Variants in NCKAP5 observed in about 807,000 individuals in gnomAD.
NCKAP5 encodes nck-associated protein 5.
Under a neutral mutation model 167.0 loss-of-function variants are expected in NCKAP5, and 92 were observed. The observed-to-expected ratio is 0.55, with a 90% CI of 0.47 to 0.66. The LOEUF (loss-of-function observed/expected upper bound fraction) is 0.66, where lower values mean the gene tolerates loss of function less well. Ranked by LOEUF, NCKAP5 falls within the 30% of genes least tolerant of loss-of-function variation. The pLI, the probability that NCKAP5 is intolerant of heterozygous loss-of-function variation, is 0.00. For missense variants in NCKAP5, 2,378 were observed against 2,315.0 expected (o/e 1.03, Z -0.56); for synonymous variants, 891 against 877.4 (o/e 1.02, Z -0.27).
At chr2:132,710,868 A>C (rs956125854) in intron 19 of NCKAP5, among the ~76,000 whole-genome samples, 11 of 151,902 alleles carry the variant, frequency 7.2e-5, no homozygotes, top group Admixed American at 7.2e-4. Flanking sequence ...TATGGCACTG[A>C]AGTGACAATT....
chr2:133,015,774 G>A (rs756574273), intron 6 of NCKAP5, among the ~76,000 whole-genome samples: 14 of 152,112 alleles, frequency 9.2e-5, no homozygotes, highest in African/African-American at 1.9e-4. Flanking sequence ...CAAGTGTGTC[G>A]ACACAATAGC....
rs755080819 is a variant in NCKAP5 at position 132,784,280 on chromosome 2, A to C, written c.2531T>G (p.Leu844Arg). 2.4e-5 allele frequency: 38 copies of C among 1,612,708 alleles called. No homozygotes were observed. The highest frequency in any genetic ancestry group is 5.0e-5 in the Admixed American group (3 of 59,652). Reference protein sequence around the residue: ...EKSPALAPGKLSRFMKTESSG... With the variant: ...EKSPALAPGKRSRFMKTESSG... ...GCTCTCAGTCTTCATGAATCGTGAG[A>C]GTTTCCCAGGAGCTAAGGCTGGTGA... Residue 844 changes from leucine (L) to arginine (R), a missense_variant, in exon 14 of 20, where the codon CTC becomes CGC. Leu to Arg is a moderately radical substitution (Grantham distance 102, BLOSUM62 -2). Around this residue, in one of 3 missense-constraint regions of NCKAP5, gnomAD observed 1,049 missense variants for 1,023.4 expected, o/e 1.02. Transcript: ENST00000409261.
At chr2:133,192,349 C>T (rs1024280510) in intron 5 of NCKAP5, among the ~76,000 whole-genome samples, 13 of 152,010 alleles carry the variant, frequency 8.6e-5, no homozygotes, top group East Asian at 1.9e-4. Flanking sequence ...ACTAAACCTA[C>T]GCAAATAGTT....
At chr2:133,085,032 A>G (rs1437906) in intron 6 of NCKAP5, among the ~76,000 whole-genome samples, 9,225 of 152,252 alleles carry the variant, frequency 0.061, 616 homozygotes, top group East Asian at 0.35. Flanking sequence ...TATAACAATT[A>G]TTTAAAAATA....
chr2:132,812,155 C>T lies in NCKAP5; in HGVS notation c.808-15426G>A, dbSNP rs150408653. The stretch of plus-strand genomic sequence containing the variant: ...TGGGTCCTGCAGGAGCGGTCGCTTC[C>T]TTTGCAGGGTCTGTGAGTCCTCTCG... On this transcript the variant is annotated intron_variant, in intron 11 of 19. Transcript: ENST00000409261. 6.5e-3 allele frequency among the ~76,000 whole-genome samples: 986 copies of T among 152,246 alleles called. 12 individuals carry two copies. Among genetic ancestry groups the T allele is most frequent in the African/African-American group, 0.022 (925 of 41,550 alleles).
intron 7 of NCKAP5, among the ~76,000 whole-genome samples, chr2:132,979,998 T>TC (rs2077085998): frequency 7.0e-6 from 1 of 143,426 alleles, no homozygotes; most frequent in Non-Finnish European, 1.5e-5. Flanking sequence ...TTCTTTTTCT[T>TC]TTTTTTTTTT....
intron 11 of NCKAP5, among the ~76,000 whole-genome samples, chr2:132,814,054 C>A (rs185156681): frequency 6.6e-6 from 1 of 152,326 alleles, no homozygotes; most frequent in African/African-American, 2.4e-5. Flanking sequence ...GAGTCCCATT[C>A]ATTTTACAAC....
At chr2:133,436,828 G>T (rs765762857) in intron 3 of NCKAP5, among the ~76,000 whole-genome samples, 1 of 152,070 alleles carries the variant, frequency 6.6e-6, no homozygotes, top group Non-Finnish European at 1.5e-5. Context: ...TGGATGCCCC[G>T]TTGCCTATGA....
At chr2:133,396,278 G>A (rs917646229) in intron 3 of NCKAP5, among the ~76,000 whole-genome samples, 1 of 152,072 alleles carries the variant, frequency 6.6e-6, no homozygotes, top group Non-Finnish European at 1.5e-5. Flanking sequence ...AATGAACAAA[G>A]TGGTTGCAAG....
At chr2:132,889,618 C>T (rs571375587) in intron 8 of NCKAP5, among the ~76,000 whole-genome samples, 124 of 152,110 alleles carry the variant, frequency 8.2e-4, no homozygotes, top group Non-Finnish European at 1.5e-3. Flanking sequence ...ACTCAACAGG[C>T]AATCAAAACA....
chr2:132,934,659 C>A (rs1696706946), intron 8 of NCKAP5, among the ~76,000 whole-genome samples: 1 of 152,094 alleles, frequency 6.6e-6, no homozygotes. Context: ...CCTTTTAAAT[C>A]AATTTATTTT....
chr2:133,392,380 C>T (rs1167729294), intron 3 of NCKAP5, among the ~76,000 whole-genome samples: 2 of 152,136 alleles, frequency 1.3e-5, no homozygotes, highest in Admixed American at 1.3e-4. Context: ...TGTAAGTACA[C>T]TCTGTGATGT....
At position 133,106,175 on chromosome 2, in the gene NCKAP5, C is replaced by T. The variant is rs190030292; in HGVS notation, c.341+23803G>A. On this transcript the variant is annotated intron_variant, in intron 6 of 19. Coordinates refer to ENST00000409261, the MANE Select transcript of NCKAP5 (RefSeq NM_207363.3). ...AGGAGTGGTGGCAGGCGCCTGTAGT[C>T]CCAGCTACTCGGGAGGCTGAGGAAG... Among the ~76,000 whole-genome samples the T allele has an allele frequency of 7.1e-3, 1,042 of 146,184 alleles. 31 individuals are homozygous for T. The highest frequency in any genetic ancestry group is 8.6e-3 in the Non-Finnish European group (569 of 66,506).
chr2:132,935,378 CGA>C (rs1459606468), intron 8 of NCKAP5, among the ~76,000 whole-genome samples: 1 of 152,070 alleles, frequency 6.6e-6, no homozygotes, highest in Non-Finnish European at 1.5e-5. Flanking sequence ...CAGCTTGAGC[CGA>C]GTTTTTGTTA....
intron 3 of NCKAP5, among the ~76,000 whole-genome samples, chr2:133,313,273 T>A (rs1022650253): frequency 6.6e-6 from 1 of 152,206 alleles, no homozygotes; most frequent in Non-Finnish European, 1.5e-5. Context: ...ATTCTACCAA[T>A]TGGGCATCTG....
intron 19 of NCKAP5, among the ~76,000 whole-genome samples, chr2:132,708,710 G>A (rs540042771): frequency 2.2e-4 from 34 of 152,306 alleles, no homozygotes; most frequent in Middle Eastern, 3.4e-3. Flanking sequence ...GTTTATTACC[G>A]ATATTTGTTT....
At chr2:132,990,790 A>T (rs1196538602) in intron 7 of NCKAP5, among the ~76,000 whole-genome samples, 1 of 152,204 alleles carries the variant, frequency 6.6e-6, no homozygotes, top group Non-Finnish European at 1.5e-5. Context: ...ATGCAGCCTG[A>T]CCAATACTGT....
intron 8 of NCKAP5, among the ~76,000 whole-genome samples, chr2:132,918,068 T>C (rs886778056): frequency 1.3e-5 from 2 of 152,220 alleles, no homozygotes; most frequent in Non-Finnish European, 2.9e-5. Context: ...TGAGTTTACC[T>C]TTTAAACTAA....
chr2:133,310,965 G>A (rs1489708531), intron 3 of NCKAP5, among the ~76,000 whole-genome samples: 1 of 152,204 alleles, frequency 6.6e-6, no homozygotes, highest in Non-Finnish European at 1.5e-5. Flanking sequence ...TCAATGTGAT[G>A]CTTCTGACAG....
Sources: allele counts gnomAD v4.1 joint callset (sites outside exome capture counted in the v4.1 genomes callset), GRCh38; gene constraint gnomAD v4.1.1; regional missense constraint gnomAD v4.1.1; transcripts MANE v1.5; gene names NCBI Gene and HGNC (gene_info 2026-07-23, HGNC 2026-07-21).